STIM2: variants seen among roughly 807,000 people sequenced by gnomAD.
STIM2 encodes stromal interaction molecule 2.
Under a neutral mutation model 85.8 loss-of-function variants are expected in STIM2, and 31 were observed. The ratio of observed to expected loss-of-function variants is 0.36; its 90% CI spans 0.27 to 0.49. The LOEUF (loss-of-function observed/expected upper bound fraction) is 0.49, where lower values mean the gene tolerates loss of function less well. Ranked by LOEUF, STIM2 falls within the 20% of genes least tolerant of loss-of-function variation. The pLI is 0.98. For missense variants in STIM2, 841 were observed against 927.6 expected, an observed-to-expected ratio of 0.91 and a Z score of 1.21; for synonymous variants, 356 against 331.1, an observed-to-expected ratio of 1.08 and a Z score of -0.82.
chr4:27,016,032 A>G (rs755642978), intron 10 of STIM2, among the ~76,000 whole-genome samples: 8 of 151,990 alleles, frequency 5.3e-5, no homozygotes, highest in African/African-American at 9.7e-5. Flanking sequence ...TCTATGCTGC[A>G]TTTAGAGACA....
intron 1 of STIM2, among the ~76,000 whole-genome samples, chr4:26,866,744 G>C (rs961266529): frequency 1.3e-5 from 2 of 152,094 alleles, no homozygotes; most frequent in Non-Finnish European, 2.9e-5. Context: ...GCAAGAATGA[G>C]ACATCCAGGA....
intron 1 of STIM2, among the ~76,000 whole-genome samples, chr4:26,913,166 A>C (rs1176950179): frequency 6.6e-6 from 1 of 152,126 alleles, no homozygotes; most frequent in Non-Finnish European, 1.5e-5. Flanking sequence ...TTTCACTTTC[A>C]TAAGGTCACT....
intron 1 of STIM2, among the ~76,000 whole-genome samples, chr4:26,880,097 C>T (rs1722948546): frequency 6.6e-6 from 1 of 152,186 alleles, no homozygotes; most frequent in South Asian, 2.1e-4. Context: ...ACCTTTTATG[C>T]TGGCCTGCAA....
rs927305871 is a variant in STIM2 at position 26,960,033 on chromosome 4, G to A, written c.397+2307G>A. Among the ~76,000 whole-genome samples, 4 of 152,106 alleles carry A rather than the reference G, an allele frequency of 2.6e-5. No individual in the cohort carries two copies. In the South Asian group the frequency reaches 6.2e-4, roughly 24 times the overall value. On this transcript the variant is annotated intron_variant, in intron 3 of 11. Transcript: ENST00000467087. ...ACCTAATTGATTTTTCTCAACCCAT[G>A]TCAGACTCTGTTTATTAAAGGGGTC...
intron 2 of STIM2, among the ~76,000 whole-genome samples, chr4:26,931,150 C>T (rs567743155): frequency 6.6e-6 from 1 of 152,252 alleles, no homozygotes; most frequent in Non-Finnish European, 1.5e-5. Context: ...GGGGTTCCCT[C>T]AGCCCACTGT....
intron 1 of STIM2, among the ~76,000 whole-genome samples, chr4:26,892,043 A>G (rs756009705): frequency 6.6e-5 from 10 of 152,144 alleles, no homozygotes; most frequent in Non-Finnish European, 1.5e-4. Context: ...GTTTCTCTGC[A>G]CAAGCTCTGT....
At chr4:26,874,983 G>A (rs1182957825) in intron 1 of STIM2, among the ~76,000 whole-genome samples, 1 of 152,160 alleles carries the variant, frequency 6.6e-6, no homozygotes, top group Non-Finnish European at 1.5e-5. Context: ...CAGCTTCTTC[G>A]TATTATGATT....
intron 2 of STIM2, among the ~76,000 whole-genome samples, chr4:26,945,469 A>G (rs1229172630): frequency 6.6e-6 from 1 of 152,162 alleles, no homozygotes; most frequent in Non-Finnish European, 1.5e-5. Flanking sequence ...ATACCCAGTA[A>G]TGAGATACAC....
chr4:26,887,333 G>A (rs1039348354), intron 1 of STIM2, among the ~76,000 whole-genome samples: 2 of 151,878 alleles, frequency 1.3e-5, no homozygotes, highest in Admixed American at 1.3e-4. Flanking sequence ...AATAATCTAA[G>A]ATCACACCGT....
intron 2 of STIM2, among the ~76,000 whole-genome samples, chr4:26,951,724 T>C (rs933042273): frequency 6.6e-6 from 1 of 152,124 alleles, no homozygotes; most frequent in Non-Finnish European, 1.5e-5. Context: ...AATGCTTACC[T>C]CTACTTAAAG....
In STIM2 at chr4:26,919,519, T is replaced by A; in HGVS notation, c.167T>A (p.Leu56Gln). The change falls in exon 2 of 12, where the codon CTG (leucine) becomes CAG (glutamine). Residue 56 changes from leucine (L) to glutamine (Q), a missense_variant. Physicochemically the swap from Leu to Gln is moderately radical, Grantham distance 113 (BLOSUM62 -2). Coordinates refer to ENST00000467087, the MANE Select transcript of STIM2 (RefSeq NM_020860.4). The stretch of plus-strand genomic sequence containing the variant: ...TCTCTTTCAGATCCCTGCATGTCAC[T>A]GAGTCCACCATGCTTTACAGAAGAA... 1 of 1,613,538 alleles carries A rather than the reference T, an allele frequency of 6.2e-7. No individual in the cohort carries two copies. The highest frequency in any genetic ancestry group is 8.5e-7 in the Non-Finnish European group (1 of 1,179,680).
chr4:26,963,791 C>T (rs1022833750), intron 3 of STIM2, among the ~76,000 whole-genome samples: 17 of 152,254 alleles, frequency 1.1e-4, no homozygotes, highest in Non-Finnish European at 2.1e-4. Context: ...GAGGGATATA[C>T]AAGTTAGCAC....
At chr4:26,931,788 A>G (rs1170927065) in intron 2 of STIM2, among the ~76,000 whole-genome samples, 1 of 152,192 alleles carries the variant, frequency 6.6e-6, no homozygotes, top group Non-Finnish European at 1.5e-5. Flanking sequence ...TCATAATTTC[A>G]TGATTTGTTT....
intron 3 of STIM2, among the ~76,000 whole-genome samples, chr4:26,970,758 A>G (rs1330837246): frequency 2.0e-5 from 3 of 152,208 alleles, no homozygotes; most frequent in Non-Finnish European, 4.4e-5. Flanking sequence ...GTATATACCC[A>G]GTAATGGGAT....
At chr4:27,013,277 T>A (rs1026057465) in intron 10 of STIM2, among the ~76,000 whole-genome samples, 7 of 151,970 alleles carry the variant, frequency 4.6e-5, no homozygotes, top group African/African-American at 1.4e-4. Flanking sequence ...GAAACCGCAT[T>A]TACATAACTT....
chr4:26,988,503 A>G (rs1727659479), intron 3 of STIM2, among the ~76,000 whole-genome samples: 1 of 152,206 alleles, frequency 6.6e-6, no homozygotes, highest in Non-Finnish European at 1.5e-5. Flanking sequence ...ACTAGACCAT[A>G]AACTATCTGT....
intron 1 of STIM2, among the ~76,000 whole-genome samples, chr4:26,899,184 C>T (rs1723828122): frequency 6.6e-6 from 1 of 151,806 alleles, no homozygotes; most frequent in Admixed American, 6.6e-5. Flanking sequence ...ACGTCTATTC[C>T]CATGATTACA....
At chr4:26,901,989 G>A (rs1304020595) in intron 1 of STIM2, among the ~76,000 whole-genome samples, 2 of 152,156 alleles carry the variant, frequency 1.3e-5, no homozygotes, top group East Asian at 1.9e-4. Context: ...TGAATCAATG[G>A]CGAAGTGATT....
intron 1 of STIM2, among the ~76,000 whole-genome samples, chr4:26,901,395 T>C (rs1723915603): frequency 6.6e-6 from 1 of 152,198 alleles, no homozygotes; most frequent in Admixed American, 6.5e-5. Flanking sequence ...ATTATACTTT[T>C]ATTGACTTAA....
Sources: gnomAD v4.1 joint callset for allele counts (sites outside exome capture counted in the v4.1 genomes callset) on GRCh38, gnomAD v4.1.1 for gene constraint, MANE v1.5 for transcripts, NCBI Gene and HGNC (gene_info 2026-07-23, HGNC 2026-07-21) for gene names.